The following DGKH variants were observed in gnomAD, a reference collection of about 807,000 sequenced individuals.
DGKH encodes the protein DAG kinase eta.
A neutral mutation model predicts 159.3 loss-of-function variants in DGKH; 90 were observed. That is an observed-to-expected ratio of 0.57 (90% confidence interval 0.48 to 0.67). The LOEUF (loss-of-function observed/expected upper bound fraction) is 0.67. DGKH is among the 30% of genes least tolerant of loss of function. The pLI is 0.00. For synonymous variants in DGKH, 536 were observed against 553.8 expected, an observed-to-expected ratio of 0.97 and a Z score of 0.45; for missense variants, 1,181 against 1,506.1, an observed-to-expected ratio of 0.78 and a Z score of 3.57.
chr13:42,093,168 C>T (rs949234525), intron 1 of DGKH, among the ~76,000 whole-genome samples: 4 of 150,780 alleles, frequency 2.7e-5, no homozygotes, highest in South Asian at 2.1e-4. Flanking sequence ...TACCTGAGCC[C>T]GGAAGATGGA....
intron 2 of DGKH, among the ~76,000 whole-genome samples, chr13:42,127,948 C>T (rs1158432640): frequency 6.6e-6 from 1 of 151,776 alleles, no homozygotes; most frequent in Non-Finnish European, 1.5e-5. Context: ...GAGAGAGCTG[C>T]TATAGTTGCT....
chr13:42,133,962 G>A (rs1213924279), intron 3 of DGKH, among the ~76,000 whole-genome samples: 1 of 152,162 alleles, frequency 6.6e-6, no homozygotes, highest in Non-Finnish European at 1.5e-5. Context: ...GAGGCTAATG[G>A]TGCAGTTTGG....
At chr13:42,088,935 A>G (rs1225370088) in intron 1 of DGKH, among the ~76,000 whole-genome samples, 3 of 152,220 alleles carry the variant, frequency 2.0e-5, no homozygotes, top group Admixed American at 1.3e-4. Context: ...TATACCATGC[A>G]AATGTAAATC....
At chr13:42,228,601 T>TGA (rs71767540) in intron 29 of DGKH, among the ~76,000 whole-genome samples, 170 of 140,940 alleles carry the variant, frequency 1.2e-3, no homozygotes, top group African/African-American at 3.5e-3. Flanking sequence ...AAAGAGCCTT[T>TGA]GAGAGAGAGA....
intron 13 of DGKH, among the ~76,000 whole-genome samples, chr13:42,185,548 A>C (rs892437877): frequency 6.6e-6 from 1 of 152,232 alleles, no homozygotes; most frequent in Admixed American, 6.5e-5. Context: ...GCAGTTTCAC[A>C]AACCAAGAGA....
chr13:42,078,214 T>C (rs1022238251), intron 1 of DGKH, among the ~76,000 whole-genome samples: 1 of 152,230 alleles, frequency 6.6e-6, no homozygotes, highest in African/African-American at 2.4e-5. Flanking sequence ...CAGAAAGGGA[T>C]TTAATTCAGG....
intron 1 of DGKH, among the ~76,000 whole-genome samples, chr13:42,089,751 C>A (rs982251579): frequency 6.6e-6 from 1 of 152,178 alleles, no homozygotes; most frequent in African/African-American, 2.4e-5. Flanking sequence ...CTCTCAAGAT[C>A]AGCTGATGAG....
chr13:42,255,855 C>A, intron 30 of DGKH: 1 of 898,052 alleles, frequency 1.1e-6, no homozygotes, highest in Non-Finnish European at 1.7e-6. Context: ...TTTTTATCTT[C>A]AAAAAAGAGA....
At chr13:42,201,965 A>G (rs760861088) in intron 20 of DGKH, among the ~76,000 whole-genome samples, 33 of 152,092 alleles carry the variant, frequency 2.2e-4, no homozygotes, top group Admixed American at 2.2e-3. Flanking sequence ...TTTCCCCTAC[A>G]TTTATAATTG....
intron 3 of DGKH, among the ~76,000 whole-genome samples, chr13:42,150,861 T>G (rs1229023479): frequency 6.6e-6 from 1 of 152,026 alleles, no homozygotes; most frequent in Non-Finnish European, 1.5e-5. Context: ...CAAAAGAAAC[T>G]TTGTAATTGT....
chr13:42,115,431 TC>T (rs1394785117), intron 1 of DGKH, among the ~76,000 whole-genome samples: 3 of 151,884 alleles, frequency 2.0e-5, no homozygotes, highest in Non-Finnish European at 4.4e-5. Flanking sequence ...TTAAAAAAAA[TC>T]CCTATGCAGC....
downstream of DGKH, among the ~76,000 whole-genome samples, chr13:42,247,657 A>G (rs1958592083): frequency 6.6e-6 from 1 of 152,234 alleles, no homozygotes. Context: ...AGCTTCATGC[A>G]TGTTTTTGTT....
rs143470293 is a variant in DGKH, at chr13:42,151,478, GGTGTGT to G, written c.385-3790_385-3785del. Among the ~76,000 whole-genome samples, 102 of 126,264 alleles carry G rather than the reference GGTGTGT, an allele frequency of 8.1e-4. 1 individual carries two copies. The highest frequency in any genetic ancestry group is 4.3e-3 in the Middle Eastern group (1 of 230). The allele number at this position is 126,264 out of a possible 152,430, so 82.8% of individuals were successfully genotyped here. A position where few individuals can be genotyped will look rare whatever the true frequency, so the allele number is the denominator to read the frequency against. ...TTTTTGTGACTGAGTAGTATTCCAT[GGTGTGT>G]GTGTGTGTGTGTGTGTGTGTGTATA... is the stretch of plus-strand genomic sequence containing the variant. On this transcript the variant is annotated intron_variant, in intron 3 of 29. Transcript: ENST00000337343.
chr13:42,163,617 A>T (rs1429294261), intron 7 of DGKH, among the ~76,000 whole-genome samples: 1 of 152,146 alleles, frequency 6.6e-6, no homozygotes, highest in East Asian at 1.9e-4. Context: ...GGCCAGTGAT[A>T]GTGAGCATTT....
chr13:42,195,161 G>A, intron 17 of DGKH, 145 bp downstream of exon 17: 1 of 1,170,108 alleles, frequency 8.5e-7, no homozygotes, highest in Non-Finnish European at 1.2e-6. Context: ...TCAGAATCCA[G>A]GCCCTTAGAT....
Position 42,241,939 on chromosome 13 carries a change from G to A in DGKH, c.*12751G>A, listed in dbSNP as rs1484444329. On this transcript the variant is annotated 3_prime_UTR_variant, in exon 30 of 30. Coordinates refer to ENST00000337343, the MANE Select transcript of DGKH (RefSeq NM_178009.5). ...CTGTATCTTTATTGTCAGTAAGTGT[G>A]GAAAAAAACCCGACTTGTATGTGTA... 1 of 152,122 alleles carries A rather than the reference G, an allele frequency of 6.6e-6. No homozygotes were observed. The highest frequency in any genetic ancestry group is 1.5e-5 in the Non-Finnish European group (1 of 68,016). The allele number at this position is 152,122 out of a possible 1,614,324, so 9.4% of individuals were successfully genotyped here. A position where few individuals can be genotyped will look rare whatever the true frequency, so the allele number is the denominator to read the frequency against.
intron 3 of DGKH, among the ~76,000 whole-genome samples, chr13:42,147,149 AC>A (rs1172880671): frequency 6.6e-6 from 1 of 152,116 alleles, no homozygotes; most frequent in African/African-American, 2.4e-5. Context: ...ATGTGGAGTT[AC>A]TGATTTGGGG....
chr13:42,177,324 T>A (rs1956630734), intron 12 of DGKH, among the ~76,000 whole-genome samples: 1 of 152,236 alleles, frequency 6.6e-6, no homozygotes, highest in Admixed American at 6.5e-5. Context: ...CTCAATGTTA[T>A]GTTTATCAGA....
upstream of DGKH, among the ~76,000 whole-genome samples, chr13:42,048,025 G>T (rs1448102036): frequency 1.3e-5 from 2 of 151,450 alleles, no homozygotes; most frequent in Non-Finnish European, 2.9e-5. The surrounding 1 kb of genome is among the most constrained non-coding windows in gnomAD (Gnocchi z 6.7). Context: ...CCGGATGGGG[G>T]TGGGGGTGGG....
Sources: gnomAD v4.1 joint callset for allele counts (sites outside exome capture counted in the v4.1 genomes callset) on GRCh38, gnomAD v4.1.1 for gene constraint, Gnocchi (gnomAD v3.1) non-coding constraint, MANE v1.5 for transcripts, NCBI Gene and HGNC (gene_info 2026-07-23, HGNC 2026-07-21) for gene names.